Variants in ENPEP observed in about 807,000 individuals in gnomAD.
The protein encoded by ENPEP is glutamyl aminopeptidase, also known as AP-A.
Under a neutral mutation model 114.5 loss-of-function variants are expected in ENPEP, and 103 were observed. The ratio of observed to expected loss-of-function variants is 0.90; its 90% CI spans 0.77 to 1.06. The LOEUF (loss-of-function observed/expected upper bound fraction) is 1.06, where lower values mean the gene tolerates loss of function less well. Among genes scored for constraint, ENPEP ranks in the 50% least tolerant of loss-of-function variants. The probability of loss-of-function intolerance (pLI) is 0.00; values close to 1 mark genes in which losing one functional copy is unlikely to be tolerated. For missense variants in ENPEP, 1,196 were observed against 1,161.3 expected (o/e 1.03, Z -0.43); for synonymous variants, 420 against 422.0 (o/e 1.00, Z 0.06).
chr4:110,529,795 C>T (rs895057117), intron 10 of ENPEP, among the ~76,000 whole-genome samples: 3 of 152,254 alleles, frequency 2.0e-5, no homozygotes, highest in East Asian at 3.9e-4. Context: ...CAAAGGGGGC[C>T]GGGCACAGTG....
At chr4:110,508,824 G>A (rs896338265) in intron 4 of ENPEP, among the ~76,000 whole-genome samples, 1 of 152,106 alleles carries the variant, frequency 6.6e-6, no homozygotes, top group Non-Finnish European at 1.5e-5. Context: ...AAAAAAGAAA[G>A]AATATTTATT....
chr4:110,529,467 A>T (rs1374166332), intron 10 of ENPEP, among the ~76,000 whole-genome samples: 1 of 152,192 alleles, frequency 6.6e-6, no homozygotes, highest in African/African-American at 2.4e-5. Flanking sequence ...GGGAGCAGGC[A>T]GTGGGATAGA....
At chr4:110,536,425 T>C (rs895509210) in intron 11 of ENPEP, among the ~76,000 whole-genome samples, 3 of 152,194 alleles carry the variant, frequency 2.0e-5, no homozygotes, top group African/African-American at 7.2e-5. Context: ...TTCTTTTGCA[T>C]CTAGCTCAAA....
At chr4:110,503,052 C>T (rs887426650) in intron 3 of ENPEP, among the ~76,000 whole-genome samples, 9 of 152,084 alleles carry the variant, frequency 5.9e-5, no homozygotes, top group Non-Finnish European at 1.3e-4. Context: ...TATCCCTCCC[C>T]GCTCCCCCCA....
chr4:110,483,468 G>GT (rs978578452), intron 1 of ENPEP, among the ~76,000 whole-genome samples: 626 of 147,530 alleles, frequency 4.2e-3, no homozygotes, highest in Middle Eastern at 0.024. Context: ...ACCTTTTTTG[G>GT]TTTTTTTTTT....
intron 12 of ENPEP, 22 bp from the exon 13 acceptor site, chr4:110,542,993 C>T (rs1362262401): frequency 6.2e-7 from 1 of 1,611,842 alleles, no homozygotes; most frequent in Non-Finnish European, 8.5e-7. Flanking sequence ...GTGTTTTTAT[C>T]TCTCTTTCTC....
chr4:110,516,920 T>G (rs1184267902), intron 8 of ENPEP, among the ~76,000 whole-genome samples: 1 of 152,164 alleles, frequency 6.6e-6, no homozygotes, highest in Non-Finnish European at 1.5e-5. Context: ...TGTTATCATA[T>G]ATTCCCTCAC....
Position 110,516,706 on chromosome 4 carries a change from A to C in ENPEP, c.1509+1264A>C, listed in dbSNP as rs139113200. Among the ~76,000 whole-genome samples, 782 of 152,328 alleles carry C rather than the reference A, an allele frequency of 5.1e-3. 4 individuals are homozygous for C. The highest frequency in any genetic ancestry group is 0.018 in the African/African-American group (758 of 41,566). On this transcript the variant is annotated intron_variant, in intron 8 of 19. Coordinates refer to ENST00000265162, the MANE Select transcript of ENPEP (RefSeq NM_001977.4). Reference sequence around the variant, plus strand: ...AAAAGAAAACGGCCCCCTTCTACCCAATAGTGAAACATCTAGGTGATTATT... The same window carrying C: ...AAAAGAAAACGGCCCCCTTCTACCCCATAGTGAAACATCTAGGTGATTATT...
Position 110,542,861 on chromosome 4 carries a change from G to C in ENPEP, c.1918G>C (p.Ala640Pro). 1 of 1,613,120 alleles carries C rather than the reference G, an allele frequency of 6.2e-7. No homozygotes were observed. Among genetic ancestry groups the C allele is most frequent in the Non-Finnish European group, 8.5e-7 (1 of 1,179,368 alleles). ...TGAAGTAGCAACTTGGGACTCGATA[G>C]CTACAGCGCTCTCCTTGAACCACAA... The part of the protein sequence containing the change: ...NYEVATWDSI[A>P]TALSLNHKTF... Residue 640 changes from alanine (A) to proline (P), a missense_variant, in exon 12 of 20, where the codon GCT (alanine) becomes CCT (proline). Coordinates refer to ENST00000265162, the MANE Select transcript of ENPEP (RefSeq NM_001977.4).
intron 17 of ENPEP, among the ~76,000 whole-genome samples, chr4:110,550,422 G>A (rs991167985): frequency 3.9e-5 from 6 of 151,996 alleles, no homozygotes; most frequent in Non-Finnish European, 5.9e-5. Flanking sequence ...GCTGATTTGA[G>A]CCAATTAGAA....
At position 110,494,545 on chromosome 4, in the gene ENPEP, G is replaced by C. The variant is rs542755229; in HGVS notation, c.918+3381G>C. Among the ~76,000 whole-genome samples the C allele has an allele frequency of 3.3e-5, 5 of 151,962 alleles. No individual in the cohort carries two copies. In the South Asian group the frequency reaches 1.0e-3, roughly 32 times the overall value. On this transcript the variant is annotated intron_variant, in intron 3 of 19. Transcript: ENST00000265162. ...ATAATGCCCTGATTCAACTTGCTTG[G>C]GTATATTCACCTCTCTGACAATAGT...
chr4:110,536,192 G>A (rs1446082860), intron 11 of ENPEP, among the ~76,000 whole-genome samples: 1 of 151,308 alleles, frequency 6.6e-6, no homozygotes, highest in Non-Finnish European at 1.5e-5. Flanking sequence ...AATTGTGATA[G>A]TGTGATATAT....
intron 10 of ENPEP, among the ~76,000 whole-genome samples, chr4:110,526,410 G>A (rs1233439027): frequency 1.3e-5 from 2 of 152,156 alleles, no homozygotes; most frequent in African/African-American, 2.4e-5. Context: ...CACTTCAGAT[G>A]CATTTTATTT....
At chr4:110,525,435 CCT>C (rs1432242406) in intron 10 of ENPEP, among the ~76,000 whole-genome samples, 1 of 151,920 alleles carries the variant, frequency 6.6e-6, no homozygotes, top group African/African-American at 2.4e-5. Flanking sequence ...TTTATTGCCC[CCT>C]CTTTCAACAT....
At chr4:110,515,686 A>T (rs1310558834) in intron 8 of ENPEP, 11 of 565,348 alleles carry the variant, frequency 1.9e-5, no homozygotes, top group Non-Finnish European at 3.6e-5. Flanking sequence ...TATTTTTGAA[A>T]CTCCTTACAT....
chr4:110,561,220 A>G (rs1560573247), intron 19 of ENPEP, among the ~76,000 whole-genome samples, 186 bp from the exon 20 acceptor site: 2 of 152,314 alleles, frequency 1.3e-5, no homozygotes, highest in Non-Finnish European at 1.5e-5. Context: ...TCCAAAAGCC[A>G]TGGGTAACTA....
intron 3 of ENPEP, among the ~76,000 whole-genome samples, chr4:110,498,757 T>C (rs932334614): frequency 9.9e-5 from 15 of 152,186 alleles, no homozygotes; most frequent in African/African-American, 3.6e-4. Context: ...TTCTGTTCCA[T>C]GGTCTTTCCA....
chr4:110,512,549 C>G (rs528574367), intron 6 of ENPEP: 2 of 152,280 alleles, frequency 1.3e-5, no homozygotes, highest in African/African-American at 4.8e-5. Flanking sequence ...ATACAACATA[C>G]TCCTGTTTTG....
At chr4:110,538,442 G>C (rs1186364917) in intron 11 of ENPEP, among the ~76,000 whole-genome samples, 2 of 152,100 alleles carry the variant, frequency 1.3e-5, no homozygotes, top group Non-Finnish European at 2.9e-5. Context: ...CCTCTCTCAG[G>C]CTTCACAGAA....
Sources: gnomAD v4.1 joint callset for allele counts (sites outside exome capture counted in the v4.1 genomes callset) on GRCh38, gnomAD v4.1.1 for gene constraint, MANE v1.5 for transcripts, NCBI Gene and HGNC (gene_info 2026-07-23, HGNC 2026-07-21) for gene names.